PCSK5: variants seen among roughly 807,000 people sequenced by gnomAD.
PCSK5 encodes the protein proprotein convertase subtilisin/kexin type 5, also known as prohormone convertase 5.
In PCSK5, 129 loss-of-function variants were observed where a neutral mutation model predicts 233.2. The ratio of observed to expected loss-of-function variants is 0.55; its 90% confidence interval spans 0.48 to 0.64. The LOEUF (loss-of-function observed/expected upper bound fraction) is 0.64, where lower values mean the gene tolerates loss of function less well. Among genes scored for constraint, PCSK5 ranks in the 30% least tolerant of loss-of-function variants. The pLI, the probability that PCSK5 is intolerant of heterozygous loss-of-function variation, is 0.00. For synonymous variants in PCSK5, 825 were observed against 879.2 expected, an observed-to-expected ratio of 0.94 and a Z score of 1.09; for missense variants, 2,076 against 2,430.1, an observed-to-expected ratio of 0.85 and a Z score of 3.06.
chr9:75,992,245 A>G (rs1302258046), intron 3 of PCSK5, among the ~76,000 whole-genome samples: 1 of 152,160 alleles, frequency 6.6e-6, no homozygotes, highest in African/African-American at 2.4e-5. Context: ...TGAATTCGAA[A>G]TACATTGAGG....
intron 2 of PCSK5, among the ~76,000 whole-genome samples, chr9:75,967,950 C>T (rs1231225931): frequency 3.9e-5 from 6 of 152,296 alleles, no homozygotes; most frequent in South Asian, 2.1e-4. Context: ...TTAGTAGAGA[C>T]GGGGTTTCTC....
intron 2 of PCSK5, among the ~76,000 whole-genome samples, chr9:75,983,407 A>G (rs760916444): frequency 5.9e-5 from 9 of 152,214 alleles, no homozygotes; most frequent in Non-Finnish European, 1.2e-4. Flanking sequence ...ATAACTGTCA[A>G]TTAATGTGTT....
intron 24 of PCSK5, among the ~76,000 whole-genome samples, chr9:76,242,318 C>T (rs1427131799): frequency 1.3e-5 from 2 of 152,094 alleles, no homozygotes; most frequent in Non-Finnish European, 2.9e-5. Context: ...ATCACCACCA[C>T]TCTTTGCCTT....
At chr9:76,344,609 T>A (rs145555119) in intron 35 of PCSK5, among the ~76,000 whole-genome samples, 4 of 152,316 alleles carry the variant, frequency 2.6e-5, no homozygotes, top group Non-Finnish European at 5.9e-5. Flanking sequence ...AAAGCTGATA[T>A]TATCATTGGC....
chr9:75,965,679 T>C (rs906601387), intron 2 of PCSK5, among the ~76,000 whole-genome samples: 1 of 152,216 alleles, frequency 6.6e-6, no homozygotes, highest in Non-Finnish European at 1.5e-5. Context: ...AGAGAGTATT[T>C]AATCCGGGCA....
At chr9:76,261,594 C>G (rs1705645787) in intron 24 of PCSK5, among the ~76,000 whole-genome samples, 1 of 152,162 alleles carries the variant, frequency 6.6e-6, no homozygotes, top group African/African-American at 2.4e-5. Context: ...TCTATGAGAA[C>G]TACAAAACGC....
intron 2 of PCSK5, among the ~76,000 whole-genome samples, chr9:75,935,711 A>G (rs1007814128): frequency 6.6e-6 from 1 of 152,110 alleles, no homozygotes; most frequent in Non-Finnish European, 1.5e-5. Context: ...TTTAACAAGT[A>G]CAAGCCAGTT....
At chr9:76,203,913 G>A (rs1349333592) in intron 20 of PCSK5, among the ~76,000 whole-genome samples, 1 of 152,110 alleles carries the variant, frequency 6.6e-6, no homozygotes, top group Non-Finnish European at 1.5e-5. Context: ...TTTACTAGCT[G>A]TGTGATCTTA....
chr9:75,983,966 A>G (rs1826389254), intron 2 of PCSK5, among the ~76,000 whole-genome samples: 1 of 152,112 alleles, frequency 6.6e-6, no homozygotes, highest in Non-Finnish European at 1.5e-5. Flanking sequence ...CAGGCAAAAT[A>G]CATGGTATTT....
At chr9:75,938,848 T>C (rs1222828697) in intron 2 of PCSK5, among the ~76,000 whole-genome samples, 3 of 152,186 alleles carry the variant, frequency 2.0e-5, no homozygotes. Context: ...GGGTGATTTG[T>C]GTGCCAGAGT....
chr9:76,183,810 A>G (rs891296369), intron 16 of PCSK5, among the ~76,000 whole-genome samples: 3 of 152,238 alleles, frequency 2.0e-5, no homozygotes, highest in African/African-American at 7.2e-5. Context: ...CCATGAAGAA[A>G]GCTTCATTCA....
At chr9:76,218,743 G>A (rs552593887) in intron 20 of PCSK5, among the ~76,000 whole-genome samples, 2 of 152,272 alleles carry the variant, frequency 1.3e-5, no homozygotes, top group South Asian at 4.1e-4. Context: ...TCACACAGCT[G>A]GAGAAGGAAG....
At chr9:75,961,130 C>T (rs1234000644) in intron 2 of PCSK5, among the ~76,000 whole-genome samples, 1 of 152,218 alleles carries the variant, frequency 6.6e-6, no homozygotes, top group Admixed American at 6.5e-5. Flanking sequence ...TGCTACTGAA[C>T]TGAGTCCTTG....
At position 76,327,974 on chromosome 9, in the gene PCSK5, C is replaced by T. The variant is rs372961766; in HGVS notation, c.4340-35C>T. The T allele has an allele frequency of 1.4e-4, 197 of 1,401,172 alleles. 1 individual carries two copies. The African/African-American group carries it at 2.2e-3, about 16-fold the overall frequency. The allele number at this position is 1,401,172 out of a possible 1,614,324, so 86.8% of individuals were successfully genotyped here. ...TTCCCACGAGGGCCACCCTGGCTCT[C>T]GCTCACTCTGTCTGCTGCCCCTCCA... On this transcript the variant is annotated intron_variant, in intron 32 of 37. Coordinates refer to ENST00000674117, the MANE Select transcript of PCSK5 (RefSeq NM_001372043.1).
At chr9:76,009,086 T>C (rs1827606197) in intron 3 of PCSK5, among the ~76,000 whole-genome samples, 1 of 152,188 alleles carries the variant, frequency 6.6e-6, no homozygotes. Context: ...TTTGTTACTA[T>C]TTTTCATAGT....
At chr9:76,210,474 G>C (rs1455542707) in intron 20 of PCSK5, among the ~76,000 whole-genome samples, 1 of 152,204 alleles carries the variant, frequency 6.6e-6, no homozygotes, top group Non-Finnish European at 1.5e-5. Flanking sequence ...CTGTAAGTTT[G>C]TTTCTGCATA....
chr9:76,270,747 A>G (rs1024124633), intron 24 of PCSK5, among the ~76,000 whole-genome samples: 4 of 152,218 alleles, frequency 2.6e-5, no homozygotes, highest in Admixed American at 6.5e-5. Context: ...GATCTTGAAC[A>G]GCATCCTAAG....
chr9:76,144,382 TC>T (rs1823355129), intron 10 of PCSK5, among the ~76,000 whole-genome samples: 1 of 152,176 alleles, frequency 6.6e-6, no homozygotes, highest in Non-Finnish European at 1.5e-5. Context: ...GGCCTAAAAC[TC>T]CCACTGAATT....
chr9:76,046,821 A>G (rs1368864966), intron 5 of PCSK5, among the ~76,000 whole-genome samples: 1 of 151,722 alleles, frequency 6.6e-6, no homozygotes, highest in Non-Finnish European at 1.5e-5. Context: ...CGGCCTCCCA[A>G]AGTGCTGGGA....
Sources: gnomAD v4.1 joint callset for allele counts (sites outside exome capture counted in the v4.1 genomes callset) on GRCh38, gnomAD v4.1.1 for gene constraint, MANE v1.5 for transcripts, NCBI Gene and HGNC (gene_info 2026-07-23, HGNC 2026-07-21) for gene names.